The following PHB2 variants were observed in gnomAD, a reference collection of about 807,000 sequenced individuals.
PHB2 encodes prohibitin 2.
A neutral mutation model predicts 46.4 loss-of-function variants in PHB2; 22 were observed. The ratio of observed to expected loss-of-function variants is 0.47; its 90% CI spans 0.34 to 0.68. PHB2 has a LOEUF of 0.68. Among genes scored for constraint, PHB2 ranks in the 30% least tolerant of loss-of-function variants. PHB2 has a pLI of 0.01. For synonymous variants in PHB2, 156 were observed against 150.5 expected (o/e 1.04, Z -0.27); for missense variants, 305 against 382.8 (o/e 0.80, Z 1.70).
chr12:6,967,091 A>G lies in PHB2; in HGVS notation c.789+80T>C. The G allele has an allele frequency of 2.1e-5, 25 of 1,169,096 alleles. No individual in the cohort carries two copies. The highest frequency in any genetic ancestry group is 2.9e-5 in the Non-Finnish European group (23 of 802,596). 72.4% of individuals were successfully genotyped at this position (1,169,096 alleles called of 1,614,324 possible). The stretch of plus-strand genomic sequence containing the variant: ...AGAAACCGGAACAAGCAAGGTTCGA[A>G]TTCCCTCACCTCAATGTGCCTTAAC... On this transcript the variant is annotated intron_variant, in intron 7 of 9. Transcript: ENST00000535923. This position sits in a 1 kb window ranked among gnomAD's most constrained non-coding sequence, Gnocchi z 4.9.
intron 9 of PHB2, 94 bp from the exon 10 acceptor site, chr12:6,965,806 CCT>C (rs1253493200): frequency 6.5e-6 from 10 of 1,545,732 alleles, no homozygotes; most frequent in Non-Finnish European, 8.9e-6. Context: ...ACCCTCCTAC[CCT>C]GATTGAGGGT....
At chr12:6,966,738 G>A (rs984657717) in intron 7 of PHB2, among the ~76,000 whole-genome samples, 1 of 152,114 alleles carries the variant, frequency 6.6e-6, no homozygotes, top group Non-Finnish European at 1.5e-5. Flanking sequence ...TATCGGAGAA[G>A]CCAATTTTTT....
chr12:6,970,498 G>A lies in PHB2; in HGVS notation c.46C>T (p.Pro16Ser). 6.2e-7 allele frequency: 1 copy of A among 1,604,970 alleles called. No individual in the cohort carries two copies. The highest frequency in any genetic ancestry group is 8.5e-7 in the Non-Finnish European group (1 of 1,178,516). The change falls in exon 1 of 10, where the codon CCC becomes TCC. Residue 16 changes from proline (P) to serine (S), a missense_variant. By Grantham distance (74) the Pro-to-Ser change is moderately conservative. This residue lies in a region of PHB2 where 60 missense variants were observed against 61.0 expected (regional missense o/e 0.98). Coordinates refer to ENST00000535923, the MANE Select transcript of PHB2 (RefSeq NM_001144831.2). The part of the protein sequence containing the change: ...KDLAGRLPAG[P>S]RGMGTALKLL... ...TTCAGGGCCGTGCCCATGCCCCGGGGCCCGGCGGGCAGCCGTCCCGCCAAG... is the reference window on the plus strand; with the variant it reads ...TTCAGGGCCGTGCCCATGCCCCGGGACCCGGCGGGCAGCCGTCCCGCCAAG...
Position 6,970,518 on chromosome 12 carries a change from G to A in PHB2, c.26C>T (p.Ala9Val), listed in dbSNP as rs1946305414. 1.9e-6 allele frequency: 3 copies of A among 1,603,928 alleles called. No homozygotes were observed. The highest frequency in any genetic ancestry group is 1.1e-5 in the South Asian group (1 of 90,836). ...CCGGGGCCCGGCGGGCAGCCGTCCC[G>A]CCAAGTCCTTCAAGTTCTGGGCCAT... Reference protein sequence around the residue: MAQNLKDLAGRLPAGPRGM... With the variant: MAQNLKDLVGRLPAGPRGM... The change falls in exon 1 of 10, where the codon GCG becomes GTG. Residue 9 changes from alanine to valine, a missense_variant. By Grantham distance (64) the Ala-to-Val change is moderately conservative (BLOSUM62 0). Transcript: ENST00000535923.
In PHB2 at chr12:6,970,403, C is replaced by T. The variant is rs782488203; in HGVS notation, c.127+14G>A. ...GGACTGGAAGCGTCCGGCGAGCAGG[C>T]GGAGGTTGCTCACCGGTGAACACAG... On this transcript the variant is annotated intron_variant, in intron 1 of 9. Coordinates refer to ENST00000535923, the MANE Select transcript of PHB2 (RefSeq NM_001144831.2). 1.5e-5 allele frequency: 24 copies of T among 1,603,652 alleles called. No individual in the cohort carries two copies. The highest frequency in any genetic ancestry group is 1.7e-5 in the Admixed American group (1 of 59,984).
At chr12:6,968,316 C>A in intron 4 of PHB2, 95 bp downstream of exon 4, 1 of 925,198 alleles carries the variant, frequency 1.1e-6, no homozygotes, top group Admixed American at 2.2e-5. Flanking sequence ...ACTAGGGTGA[C>A]AATGCTTTTC....
chr12:6,970,074 G>T, intron 2 of PHB2, 122 bp downstream of exon 2: 1 of 798,184 alleles, frequency 1.3e-6, no homozygotes, highest in Non-Finnish European at 2.2e-6. Context: ...CTATCCTAGG[G>T]GCAGGGATGA....
rs1214713976 is a variant in PHB2, at chr12:6,969,560, T to C, written c.230A>G (p.Tyr77Cys). 3.1e-6 allele frequency: 5 copies of C among 1,607,098 alleles called. No homozygotes were observed. In the African/African-American group the frequency reaches 4.0e-5, roughly 13 times the overall value. The change falls in exon 3 of 10, where the codon TAC becomes TGC. Residue 77 changes from tyrosine (Y) to cysteine (C), a missense_variant. Around this residue, in one of 3 missense-constraint regions of PHB2, gnomAD observed 241 missense variants for 302.7 expected, o/e 0.80. Transcript: ENST00000535923. ...GLHFRIPWFQ[Y>C]PIIYDIRARP... is the part of the protein sequence containing the mutation. ...GGCCCGAATGTCATAGATAATGGGG[T>C]ACTGGAACCAAGGGATCCTGGAGAG... is the stretch of plus-strand genomic sequence containing the variant.
At chr12:6,969,318 C>T (rs782159522) in intron 3 of PHB2, among the ~76,000 whole-genome samples, 180 bp downstream of exon 3, 22 of 152,328 alleles carry the variant, frequency 1.4e-4, no homozygotes, top group Admixed American at 3.3e-4. Flanking sequence ...GTAAAAAGCA[C>T]GCAAACACAG....
intron 2 of PHB2, 141 bp from the exon 3 acceptor site, chr12:6,969,718 A>C: frequency 3.3e-6 from 2 of 601,932 alleles, no homozygotes; most frequent in African/African-American, 1.9e-5. Context: ...TGATCTACAT[A>C]GTGAAACCCC....
At chr12:6,965,850 G>T (rs1946203586) in intron 9 of PHB2, 61 bp downstream of exon 9, 5 of 1,592,480 alleles carry the variant, frequency 3.1e-6, no homozygotes, top group Non-Finnish European at 4.3e-6. Context: ...AGGGGGTAGG[G>T]TAGGAGGCGG....
Position 6,970,631 on chromosome 12 carries a change from A to G in PHB2, c.-88T>C. The stretch of plus-strand genomic sequence containing the variant: ...CTCCGGCTTAGGTACTGCACCCTTC[A>G]CACGAGGGTTCGGGCCCGTAAGGCT... On this transcript the variant is annotated 5_prime_UTR_variant, in exon 1 of 10. Coordinates refer to ENST00000535923, the MANE Select transcript of PHB2 (RefSeq NM_001144831.2). The G allele has an allele frequency of 7.0e-7, 1 of 1,430,522 alleles. No individual in the cohort carries two copies. Among genetic ancestry groups the G allele is most frequent in the Non-Finnish European group, 9.4e-7 (1 of 1,066,728 alleles). 88.6% of individuals were successfully genotyped at this position (1,430,522 alleles called of 1,614,324 possible).
rs782726239 is a variant in PHB2, at chr12:6,967,406, C to T, written c.712-158G>A. ...CCGTGGACCCCACCTGTGGGCCTCC[C>T]TGCAGGCTGCTGCCAGGAACTAGGG... On this transcript the variant is annotated intron_variant, in intron 6 of 9. Coordinates refer to ENST00000535923, the MANE Select transcript of PHB2 (RefSeq NM_001144831.2). The surrounding 1 kb of genome is among the most constrained non-coding windows in gnomAD (Gnocchi z 4.9). The T allele has an allele frequency of 6.6e-7, 1 of 1,522,524 alleles. No individual in the cohort carries two copies. The highest frequency in any genetic ancestry group is 1.1e-5 in the South Asian group (1 of 88,508). The allele number at this position is 1,522,524 out of a possible 1,614,324, so 94.3% of individuals were successfully genotyped here. A position where few individuals can be genotyped will look rare whatever the true frequency, so the allele number is the denominator to read the frequency against.
intron 2 of PHB2, 71 bp downstream of exon 2, chr12:6,970,125 C>T (rs936807394): frequency 6.5e-5 from 73 of 1,119,192 alleles, no homozygotes; most frequent in Non-Finnish European, 8.6e-5. Context: ...TGTTGCACGT[C>T]CGACTATAGC....
At chr12:6,968,899 G>C (rs782157528) in intron 3 of PHB2, among the ~76,000 whole-genome samples, 1 of 152,202 alleles carries the variant, frequency 6.6e-6, no homozygotes, top group African/African-American at 2.4e-5. Context: ...CATGTCTCCT[G>C]TAAGGACTTG....
chr12:6,966,318 A>G, intron 8 of PHB2, 106 bp downstream of exon 8: 2 of 751,528 alleles, frequency 2.7e-6, no homozygotes, highest in Non-Finnish European at 4.8e-6. Context: ...TTTTGGTTCA[A>G]TGTCTCTGAG....
intron 8 of PHB2, 58 bp from the exon 9 acceptor site, chr12:6,965,974 T>C (rs1946205946): frequency 1.9e-6 from 3 of 1,577,156 alleles, no homozygotes; most frequent in African/African-American, 1.3e-5. Context: ...CACATGTTAA[T>C]TGACAGCTTC....
chr12:6,970,004 T>G, intron 2 of PHB2, 192 bp downstream of exon 2: 1 of 702,808 alleles, frequency 1.4e-6, no homozygotes, highest in Non-Finnish European at 2.6e-6. Context: ...CAAGGAGAGA[T>G]TCTCTTGTCC....
chr12:6,968,819 G>T (rs781842417), intron 3 of PHB2: 4 of 569,844 alleles, frequency 7.0e-6, no homozygotes, highest in Non-Finnish European at 9.8e-6. Context: ...CACCAGCAGA[G>T]CTGACTACTC....
Sources: gnomAD v4.1 joint callset for allele counts (sites outside exome capture counted in the v4.1 genomes callset) on GRCh38, gnomAD v4.1.1 for gene constraint, gnomAD v4.1.1 regional missense constraint, Gnocchi (gnomAD v3.1) non-coding constraint, MANE v1.5 for transcripts, NCBI Gene and HGNC (gene_info 2026-07-23, HGNC 2026-07-21) for gene names.